Variants in TBC1D16 observed in about 807,000 individuals in gnomAD.
The protein encoded by TBC1D16 is CTD-2529O21.1.
Under a neutral mutation model 74.7 loss-of-function variants are expected in TBC1D16, and 58 were observed. That is an observed-to-expected ratio of 0.78 (90% CI 0.63 to 0.97). TBC1D16 has a LOEUF of 0.97. Among genes scored for constraint, TBC1D16 ranks in the 50% least tolerant of loss-of-function variants. TBC1D16 has a pLI of 0.00. For synonymous variants in TBC1D16, 493 were observed against 474.7 expected, an observed-to-expected ratio of 1.04 and a Z score of -0.50; for missense variants, 1,014 against 1,079.5, an observed-to-expected ratio of 0.94 and a Z score of 0.85.
intron 3 of TBC1D16, among the ~76,000 whole-genome samples, chr17:80,006,451 A>T (rs2144635930): frequency 6.6e-6 from 1 of 152,106 alleles, no homozygotes; most frequent in South Asian, 2.1e-4. Context: ...AGCGTCTAGG[A>T]CAATTAACCA....
At chr17:79,946,650 AC>A (rs921429882) in intron 9 of TBC1D16, among the ~76,000 whole-genome samples, 2 of 151,762 alleles carry the variant, frequency 1.3e-5, no homozygotes, top group African/African-American at 2.4e-5. Context: ...GGGGGTGGGG[AC>A]CCCCGTTCTA....
intron 1 of TBC1D16, among the ~76,000 whole-genome samples, chr17:80,030,342 G>A: frequency 6.6e-6 from 1 of 152,192 alleles, no homozygotes; most frequent in Admixed American, 6.5e-5. Context: ...CCGAGGCCTA[G>A]AACCCAGGAG....
intron 1 of TBC1D16, among the ~76,000 whole-genome samples, chr17:80,030,911 G>C (rs564185921): frequency 2.6e-5 from 4 of 152,378 alleles, no homozygotes; most frequent in African/African-American, 9.6e-5. Context: ...TGGTTCATCT[G>C]CTTTGCCCTC....
intron 10 of TBC1D16, 45 bp from the exon 11 acceptor site, chr17:79,942,251 C>CA: frequency 6.5e-7 from 1 of 1,546,110 alleles, no homozygotes; most frequent in Non-Finnish European, 8.8e-7. Context: ...GACCGAGCCC[C>CA]AGGCCCTGCA....
rs928987761 is a variant in TBC1D16 at position 79,985,745 on chromosome 17, G to A, written c.779+24415C>T. Among the ~76,000 whole-genome samples the A allele has an allele frequency of 6.6e-6, 1 of 152,136 alleles. No individual in the cohort carries two copies. Among genetic ancestry groups the A allele is most frequent in the African/African-American group, 2.4e-5 (1 of 41,410 alleles). ...TCTGTGTGAAGACCTCTCTAATTGC[G>A]CACACTCCCCCCTCGGCTGGGTCCT... On this transcript the variant is annotated intron_variant, in intron 3 of 11. Coordinates refer to ENST00000310924, the MANE Select transcript of TBC1D16 (RefSeq NM_019020.4). The surrounding 1 kb of genome is among the most constrained non-coding windows in gnomAD (Gnocchi z 4.9).
Position 80,019,807 on chromosome 17 carries a change from C to T in TBC1D16, c.-62-6198G>A, listed in dbSNP as rs1234693946. On this transcript the variant is annotated intron_variant, in intron 1 of 11. Coordinates refer to ENST00000310924, the MANE Select transcript of TBC1D16 (RefSeq NM_019020.4). The stretch of plus-strand genomic sequence containing the variant: ...AATGAATGAGTTAATGAAAAACCCA[C>T]TCCTTGGAATTATATCATATCTTGC... Among the ~76,000 whole-genome samples the T allele has an allele frequency of 4.0e-5, 6 of 149,902 alleles. No individual in the cohort carries two copies. The East Asian group carries it at 1.2e-3, about 29-fold the overall frequency.
chr17:79,991,606 C>T (rs988186772), intron 3 of TBC1D16, among the ~76,000 whole-genome samples: 48 of 151,922 alleles, frequency 3.2e-4, no homozygotes, highest in Non-Finnish European at 5.6e-4. Context: ...ATTTAGGATT[C>T]ACCAAAATCT....
At chr17:80,020,153 C>CA (rs2036235672) in intron 1 of TBC1D16, among the ~76,000 whole-genome samples, 1 of 149,820 alleles carries the variant, frequency 6.7e-6, no homozygotes, top group Non-Finnish European at 1.5e-5. Context: ...CCTAAGGAAA[C>CA]AATCCTGCCG....
intron 1 of TBC1D16, chr17:80,023,994 T>C (rs2036386939): frequency 2.0e-5 from 3 of 147,702 alleles, no homozygotes; most frequent in East Asian, 2.0e-4. Flanking sequence ...CAGGACGAGG[T>C]TGGAGGACCA....
At chr17:79,991,380 G>A (rs2035052098) in intron 3 of TBC1D16, among the ~76,000 whole-genome samples, 1 of 152,140 alleles carries the variant, frequency 6.6e-6, no homozygotes, top group Non-Finnish European at 1.5e-5. Flanking sequence ...GTGGGGTGGG[G>A]TGAGGTTGTG....
intron 3 of TBC1D16, among the ~76,000 whole-genome samples, chr17:79,965,026 C>G (rs891267916): frequency 6.6e-6 from 1 of 152,018 alleles, no homozygotes; most frequent in Non-Finnish European, 1.5e-5. Context: ...AAAGAATTTT[C>G]TAAAAGGCAT....
rs545047811 is a variant in TBC1D16, at chr17:79,979,012, C to T, written c.780-26194G>A. On this transcript the variant is annotated intron_variant, in intron 3 of 11. Transcript: ENST00000310924. The surrounding 1 kb of genome is among the most constrained non-coding windows in gnomAD (Gnocchi z 4.8). ...AAAACAGCCAAGAGATTTTTCTGAA[C>T]CCAAAAAGAATGTTTATTTTTTTTC... Among the ~76,000 whole-genome samples the T allele has an allele frequency of 2.6e-5, 4 of 152,200 alleles. No individual in the cohort carries two copies. The highest frequency in any genetic ancestry group is 9.6e-5 in the African/African-American group (4 of 41,452).
At chr17:79,942,803 A>G (rs1237534870) in intron 10 of TBC1D16, among the ~76,000 whole-genome samples, 2 of 152,172 alleles carry the variant, frequency 1.3e-5, no homozygotes, top group African/African-American at 4.8e-5. Context: ...CAGCTCACCC[A>G]CAGGGTGGCT....
chr17:79,940,876 A>G lies in TBC1D16; in HGVS notation c.2287T>C (p.Phe763Leu). 1.9e-6 allele frequency: 3 copies of G among 1,557,320 alleles called. No individual in the cohort carries two copies. Among genetic ancestry groups the G allele is most frequent in the South Asian group, 1.2e-5 (1 of 84,752 alleles). ...KKGPKTPQDG[F>L]GFRR ...GGCCCGACCTATCTGCGGAAGCCGAAGCCGTCCTGCGGCGTCTTTGGGCCC... is the reference window on the plus strand; with the variant it reads ...GGCCCGACCTATCTGCGGAAGCCGAGGCCGTCCTGCGGCGTCTTTGGGCCC... The change falls in exon 12 of 12, where the codon TTC (phenylalanine) becomes CTC (leucine). Residue 763 changes from phenylalanine to leucine, a missense_variant. Coordinates refer to ENST00000310924, the MANE Select transcript of TBC1D16 (RefSeq NM_019020.4). The surrounding 1 kb of genome is among the most constrained non-coding windows in gnomAD (Gnocchi z 5.4).
chr17:79,967,115 G>C (rs1043614708), intron 3 of TBC1D16, among the ~76,000 whole-genome samples: 10 of 152,100 alleles, frequency 6.6e-5, no homozygotes, highest in Non-Finnish European at 1.2e-4. Flanking sequence ...ACAAATTTAA[G>C]TGTGAAAGAC....
Position 79,987,206 on chromosome 17 carries a change from G to A in TBC1D16, c.779+22954C>T, listed in dbSNP as rs757197942. Among the ~76,000 whole-genome samples the A allele has an allele frequency of 1.3e-5, 2 of 152,116 alleles. No individual in the cohort carries two copies. The highest frequency in any genetic ancestry group is 3.9e-4 in the East Asian group (2 of 5,194). The stretch of plus-strand genomic sequence containing the variant: ...ATTGTTCCAGAGCGTCTCGGTCTGG[G>A]TGGGAGCGGGGAATAAGCATTTCTT... On this transcript the variant is annotated intron_variant, in intron 3 of 11. Coordinates refer to ENST00000310924, the MANE Select transcript of TBC1D16 (RefSeq NM_019020.4). The surrounding 1 kb of genome is among the most constrained non-coding windows in gnomAD (Gnocchi z 5.2).
At position 80,013,360 on chromosome 17, in the gene TBC1D16, G is replaced by A; in HGVS notation, c.181+7C>T. 6.3e-7 allele frequency: 1 copy of A among 1,597,998 alleles called. No individual in the cohort carries two copies. The highest frequency in any genetic ancestry group is 8.5e-7 in the Non-Finnish European group (1 of 1,172,816). ...GCGACCCTGGAGCCTCGCCTGCCCT[G>A]GCTCACCTGGGTGGTGCTCCCCCAG... On this transcript the variant is annotated splice_region_variant and intron_variant, in intron 2 of 11. Coordinates refer to ENST00000310924, the MANE Select transcript of TBC1D16 (RefSeq NM_019020.4).
intron 9 of TBC1D16, among the ~76,000 whole-genome samples, chr17:79,947,186 G>T (rs1158853723): frequency 6.6e-6 from 1 of 152,160 alleles, no homozygotes; most frequent in Non-Finnish European, 1.5e-5. Flanking sequence ...GGGAGGGGTG[G>T]GGTGTGAGGA....
intron 3 of TBC1D16, among the ~76,000 whole-genome samples, chr17:79,997,214 A>G (rs760518633): frequency 5.3e-5 from 8 of 152,214 alleles, no homozygotes; most frequent in Non-Finnish European, 1.0e-4. Flanking sequence ...ACACAAGCAC[A>G]GATGGGTGCC....
Sources: allele counts gnomAD v4.1 joint callset (sites outside exome capture counted in the v4.1 genomes callset), GRCh38; gene constraint gnomAD v4.1.1; non-coding constraint Gnocchi (gnomAD v3.1); transcripts MANE v1.5; gene names NCBI Gene and HGNC (gene_info 2026-07-23, HGNC 2026-07-21).